The following ITIH5 variants were observed in gnomAD, a reference collection of about 807,000 sequenced individuals.
ITIH5 encodes the protein inter-alpha-trypsin inhibitor heavy chain 5, also known as inter-alpha-trypsin inhibitor heavy chain H5.
A neutral mutation model predicts 77.5 loss-of-function variants in ITIH5; 65 were observed. The ratio of observed to expected loss-of-function variants is 0.84; its 90% CI spans 0.69 to 1.03. The LOEUF (loss-of-function observed/expected upper bound fraction) is 1.03. Among genes scored for constraint, ITIH5 ranks in the 50% least tolerant of loss-of-function variants. The pLI is 0.00. For missense variants in ITIH5, 1,208 were observed against 1,213.1 expected (o/e 1.00, Z 0.06); for synonymous variants, 525 against 494.3 (o/e 1.06, Z -0.82).
intron 5 of ITIH5, among the ~76,000 whole-genome samples, chr10:7,623,367 A>G (rs1171872694): frequency 6.6e-6 from 1 of 152,204 alleles, no homozygotes; most frequent in Non-Finnish European, 1.5e-5. Flanking sequence ...TTTCTTAAAT[A>G]TATGGAGGTC....
Position 7,563,019 on chromosome 10 carries a change from A to G in ITIH5, c.*64T>C. The G allele has an allele frequency of 6.9e-7, 1 of 1,440,812 alleles. No individual in the cohort carries two copies. Among genetic ancestry groups the G allele is most frequent in the Non-Finnish European group, 9.8e-7 (1 of 1,023,576 alleles). 89.3% of individuals were successfully genotyped at this position (1,440,812 alleles called of 1,614,324 possible). Reference sequence around the variant, plus strand: ...TGAGGCGTGTACAAGCCATGAAAAGAGCTGCCCCACGGCCTCCCCACATCA... The same window carrying G: ...TGAGGCGTGTACAAGCCATGAAAAGGGCTGCCCCACGGCCTCCCCACATCA... On this transcript the variant is annotated 3_prime_UTR_variant, in exon 14 of 14. Transcript: ENST00000397146.
chr10:7,599,686 A>C (rs1389019440), intron 7 of ITIH5, among the ~76,000 whole-genome samples: 1 of 152,236 alleles, frequency 6.6e-6, no homozygotes, highest in African/African-American at 2.4e-5. Context: ...CTTCACAAAC[A>C]TCGAGAACAT....
rs138140357 is a variant in ITIH5 at position 7,580,024 on chromosome 10, G to A, written c.1149C>T (p.Leu383=). ...CACTGTGGGCCACGTACTTGTTGAG[G>A]AGCCTGATGGCCCTCTGCAGGGCCC... is the stretch of plus-strand genomic sequence containing the variant. ...INGALQRAIR[L]LNKYVAHSGI... Residue 383 remains leucine (L), a synonymous_variant, in exon 9 of 14, where the codon CTC becomes CTT. Transcript: ENST00000397146. 8.7e-6 allele frequency: 14 copies of A among 1,612,266 alleles called. No homozygotes were observed. Among genetic ancestry groups the A allele is most frequent in the African/African-American group, 8.0e-5 (6 of 74,888 alleles).
In ITIH5 at chr10:7,637,242, C is replaced by T; in HGVS notation, c.638G>A (p.Ser213Asn). Residue 213 changes from serine (S) to asparagine (N), a missense_variant, in exon 5 of 14, where the codon AGT (serine) becomes AAT (asparagine). Ser to Asn is a conservative substitution (Grantham distance 46). Coordinates refer to ENST00000397146, the MANE Select transcript of ITIH5 (RefSeq NM_030569.7). Reference protein sequence around the residue: ...LPLHNSRQRGSGRGEDDSGPP... With the variant: ...LPLHNSRQRGNGRGEDDSGPP... ...GCAGGACTCACCTTCCCCGCGCCCA[C>T]TGCCCCTCTGCCTGCTGTTGTGAAG... The T allele has an allele frequency of 6.2e-7, 1 of 1,608,884 alleles. No individual in the cohort carries two copies. Among genetic ancestry groups the T allele is most frequent in the Non-Finnish European group, 8.5e-7 (1 of 1,179,930 alleles).
intron 7 of ITIH5, among the ~76,000 whole-genome samples, chr10:7,597,044 C>CAAAAAAAAAAAAAAAAAAAAAAAAAA (rs71383924): frequency 5.4e-5 from 2 of 36,922 alleles, no homozygotes; most frequent in Admixed American, 4.7e-4. Flanking sequence ...GTCTCCAACT[C>CAAAAAAAAAAAAAAAAAAAAAAAAAA]AAAAAAAAAA....
intron 10 of ITIH5, among the ~76,000 whole-genome samples, chr10:7,574,512 G>A (rs541431375): frequency 2.6e-4 from 40 of 152,214 alleles, no homozygotes; most frequent in Middle Eastern, 3.4e-3. Context: ...ACAAAAAACC[G>A]GCCGGGCGCA....
chr10:7,619,639 A>G (rs1219012526), intron 5 of ITIH5: 1 of 367,022 alleles, frequency 2.7e-6, no homozygotes, highest in Admixed American at 2.8e-5. Flanking sequence ...GGCAAACGCA[A>G]AGCGAACACG....
intron 5 of ITIH5, among the ~76,000 whole-genome samples, chr10:7,634,244 T>C (rs1833762427): frequency 6.6e-6 from 1 of 152,186 alleles, no homozygotes; most frequent in Admixed American, 6.5e-5. Flanking sequence ...AATCATAGTT[T>C]TGGTGCAAGC....
intron 7 of ITIH5, among the ~76,000 whole-genome samples, chr10:7,609,806 G>A (rs369758685): frequency 7.9e-5 from 12 of 152,196 alleles, no homozygotes; most frequent in East Asian, 3.9e-4. Flanking sequence ...TGATCCATTC[G>A]TCACTGCTTG....
At chr10:7,593,722 C>T (rs1832841773) in intron 7 of ITIH5, among the ~76,000 whole-genome samples, 1 of 78,700 alleles carries the variant, frequency 1.3e-5, no homozygotes. Context: ...GCCACCCAGC[C>T]CCACTCACCC....
intron 1 of ITIH5, among the ~76,000 whole-genome samples, chr10:7,661,071 C>T: frequency 6.6e-6 from 1 of 152,210 alleles, no homozygotes; most frequent in South Asian, 2.1e-4. Flanking sequence ...CTATTGTGAA[C>T]TGTGCATGCA....
intron 1 of ITIH5, among the ~76,000 whole-genome samples, chr10:7,664,310 G>C (rs922294072): frequency 2.0e-5 from 3 of 149,374 alleles, no homozygotes; most frequent in Admixed American, 6.8e-5. Flanking sequence ...TGAGGCATGA[G>C]AATCACTTGA....
chr10:7,655,476 C>T (rs1406873960), intron 2 of ITIH5, among the ~76,000 whole-genome samples, 155 bp downstream of exon 2: 3 of 151,974 alleles, frequency 2.0e-5, no homozygotes, highest in Admixed American at 2.0e-4. Context: ...TAAAGAAAGC[C>T]TTATAAAAGA....
chr10:7,646,369 A>G (rs1275176701), intron 2 of ITIH5, among the ~76,000 whole-genome samples: 1 of 152,256 alleles, frequency 6.6e-6, no homozygotes, highest in Admixed American at 6.5e-5. Flanking sequence ...CCCACCCTGG[A>G]TTCACAGTTC....
At chr10:7,623,826 A>T (rs1055910886) in intron 5 of ITIH5, among the ~76,000 whole-genome samples, 1 of 143,402 alleles carries the variant, frequency 7.0e-6, no homozygotes. Flanking sequence ...AAAAAAAAAT[A>T]CCTTCATAAG....
intron 13 of ITIH5, among the ~76,000 whole-genome samples, chr10:7,565,488 T>C (rs577525049): frequency 6.6e-6 from 1 of 150,420 alleles, no homozygotes; most frequent in African/African-American, 2.4e-5. Flanking sequence ...TACAGACTGA[T>C]TATATATTAT....
intron 4 of ITIH5, 106 bp downstream of exon 4, chr10:7,640,646 GAA>G: frequency 2.9e-6 from 2 of 683,354 alleles, no homozygotes; most frequent in Non-Finnish European, 5.2e-6. Context: ...AAAAGAAAGA[GAA>G]AAGTATTTGG....
intron 8 of ITIH5, among the ~76,000 whole-genome samples, chr10:7,582,844 G>C (rs1438371513): frequency 6.6e-6 from 1 of 152,172 alleles, no homozygotes; most frequent in Admixed American, 6.5e-5. Flanking sequence ...GGCTGGGCAG[G>C]GTAGTGGGGG....
At chr10:7,587,169 A>G (rs1832696395) in intron 7 of ITIH5, among the ~76,000 whole-genome samples, 2 of 152,204 alleles carry the variant, frequency 1.3e-5, no homozygotes, top group African/African-American at 2.4e-5. Context: ...AGTTTGAGCA[A>G]AGCCAGGAAG....
Sources: gnomAD v4.1 joint callset for allele counts (sites outside exome capture counted in the v4.1 genomes callset) on GRCh38, gnomAD v4.1.1 for gene constraint, MANE v1.5 for transcripts, NCBI Gene and HGNC (gene_info 2026-07-23, HGNC 2026-07-21) for gene names.